The following A2ML1 variants were observed in gnomAD, a reference collection of about 807,000 sequenced individuals.
The protein encoded by A2ML1 is alpha-2-macroglobulin like 1, also known as alpha-2-macroglobulin-like protein 1.
A neutral mutation model predicts 181.9 loss-of-function variants in A2ML1; 161 were observed. That is an observed-to-expected ratio of 0.89 (90% CI 0.78 to 1.01). A2ML1 has a LOEUF of 1.01. A2ML1 is among the 50% of genes least tolerant of loss of function. A2ML1 has a pLI of 0.00. For missense variants in A2ML1, 1,670 were observed against 1,768.1 expected (o/e 0.94, Z 1.00); for synonymous variants, 663 against 666.8 (o/e 0.99, Z 0.09).
In A2ML1 at chr12:8,835,502, G is replaced by A; in HGVS notation, c.484-5G>A. ...GGCACATCATGCAGTTTCTCTATTG[G>A]ACAGGATCCAAATAGCAACAGGATT... On this transcript the variant is annotated splice_region_variant and splice_polypyrimidine_tract_variant and intron_variant, in intron 5 of 35. Coordinates refer to ENST00000299698, the MANE Select transcript of A2ML1 (RefSeq NM_144670.6). 1 of 1,613,976 alleles carries A rather than the reference G, an allele frequency of 6.2e-7. No individual in the cohort carries two copies. Among genetic ancestry groups the A allele is most frequent in the South Asian group, 1.1e-5 (1 of 91,072 alleles).
At chr12:8,837,927 C>T (rs1486268301) in intron 8 of A2ML1, among the ~76,000 whole-genome samples, 1 of 147,752 alleles carries the variant, frequency 6.8e-6, no homozygotes, top group Non-Finnish European at 1.5e-5. Flanking sequence ...TCCACATGTC[C>T]TAAAGCGTAA....
chr12:8,874,954 C>G lies in A2ML1; in HGVS notation c.4325-17C>G. On this transcript the variant is annotated splice_polypyrimidine_tract_variant and intron_variant, in intron 34 of 35. Transcript: ENST00000299698. ...GGAGGCCCTCAAAGTAATAATATGA[C>G]TTATTTCATTTCACAGATGAACAGG... is the stretch of plus-strand genomic sequence containing the variant. 6.2e-7 allele frequency: 1 copy of G among 1,613,752 alleles called. No individual in the cohort carries two copies. Among genetic ancestry groups the G allele is most frequent in the Non-Finnish European group, 8.5e-7 (1 of 1,179,766 alleles).
intron 7 of A2ML1, among the ~76,000 whole-genome samples, chr12:8,885,447 A>T (rs76565007): frequency 0.01 from 1,568 of 152,072 alleles, 30 homozygotes; most frequent in African/African-American, 0.036. Context: ...AAAGCTTTTT[A>T]TTTTATTTTA....
chr12:8,868,446 G>A (rs4883192), intron 31 of A2ML1, 89 bp downstream of exon 31: 3 of 1,514,958 alleles, frequency 2.0e-6, no homozygotes, highest in Non-Finnish European at 8.9e-7. Context: ...GTCTGTGTAT[G>A]TGTGTGTGTA....
At chr12:8,823,452 C>A in intron 2 of A2ML1, 87 bp downstream of exon 2, 1 of 1,429,556 alleles carries the variant, frequency 7.0e-7, no homozygotes, top group Non-Finnish European at 9.4e-7. Flanking sequence ...AGTATAATTT[C>A]TGTTATCTTT....
At chr12:8,845,389 A>G (rs1943632836) in intron 12 of A2ML1, 53 bp from the exon 13 acceptor site, 1 of 1,594,424 alleles carries the variant, frequency 6.3e-7, no homozygotes, top group Non-Finnish European at 8.6e-7. Context: ...AGTTGGTCCA[A>G]GGTGAAATTA....
intron 4 of A2ML1, among the ~76,000 whole-genome samples, chr12:8,833,519 C>T (rs1943183493): frequency 1.3e-5 from 2 of 152,108 alleles, no homozygotes; most frequent in African/African-American, 4.8e-5. Context: ...GCCTCAGCCT[C>T]CGGAGTAGCT....
At chr12:8,826,384 A>T (rs1942929592) in intron 3 of A2ML1, among the ~76,000 whole-genome samples, 1 of 152,094 alleles carries the variant, frequency 6.6e-6, no homozygotes, top group Non-Finnish European at 1.5e-5. Context: ...GCTATTGTAA[A>T]TGGAATTATC....
intron 17 of A2ML1, 50 bp from the exon 18 acceptor site, chr12:8,850,107 CACA>C: frequency 2.2e-6 from 3 of 1,389,174 alleles, no homozygotes; most frequent in Non-Finnish European, 3.0e-6. Context: ...CAATTTATGT[CACA>C]ACAAGAAGTC....
intron 16 of A2ML1, 141 bp downstream of exon 16, chr12:8,849,055 G>A (rs925565840): frequency 9.9e-6 from 9 of 904,640 alleles, no homozygotes; most frequent in South Asian, 1.9e-5. Flanking sequence ...TGACGTGTAA[G>A]GTCGCCTCTG....
At chr12:8,879,953 A>G (rs185515087), downstream of A2ML1, among the ~76,000 whole-genome samples, 1 of 152,364 alleles carries the variant, frequency 6.6e-6, no homozygotes, top group East Asian at 1.9e-4. Flanking sequence ...ATACAAAGAT[A>G]AATAAAATGA....
chr12:8,830,863 A>G (rs544272546), intron 4 of A2ML1: 2 of 151,528 alleles, frequency 1.3e-5, no homozygotes, highest in East Asian at 1.9e-4. Context: ...TCTCTTTCCC[A>G]ATATAGATTT....
chr12:8,846,279 T>G (rs1362825657), intron 14 of A2ML1, 57 bp downstream of exon 14: 1 of 1,602,024 alleles, frequency 6.2e-7, no homozygotes, highest in African/African-American at 1.3e-5. Flanking sequence ...AAAGATCTTG[T>G]GTGTGCTGCG....
intron 25 of A2ML1, 82 bp downstream of exon 25, chr12:8,857,670 C>A: frequency 7.0e-7 from 1 of 1,437,388 alleles, no homozygotes; most frequent in Non-Finnish European, 9.6e-7. Context: ...CTACCTCTCC[C>A]CTTAACCCCT....
At chr12:8,884,560 G>A (rs1029190503) in intron 7 of A2ML1, among the ~76,000 whole-genome samples, 8 of 151,458 alleles carry the variant, frequency 5.3e-5, no homozygotes, top group South Asian at 2.1e-4. Context: ...TTTTTAAGAC[G>A]AAGTCTCACT....
At position 8,863,788 on chromosome 12, in the gene A2ML1, C is replaced by T. The variant is rs1347928548; in HGVS notation, c.3503-6C>T. On this transcript the variant is annotated splice_polypyrimidine_tract_variant and splice_region_variant and intron_variant, in intron 28 of 35. Coordinates refer to ENST00000299698, the MANE Select transcript of A2ML1 (RefSeq NM_144670.6). ...GGACATCCTAGTTATGTTTCTTTTT[C>T]CATAGGAGAATCCATTTACTGGAGC... 6.2e-7 allele frequency: 1 copy of T among 1,613,762 alleles called. No individual in the cohort carries two copies. Among genetic ancestry groups the T allele is most frequent in the Non-Finnish European group, 8.5e-7 (1 of 1,179,902 alleles).
chr12:8,824,789 A>T (rs1336647063), intron 3 of A2ML1, among the ~76,000 whole-genome samples: 2 of 151,768 alleles, frequency 1.3e-5, no homozygotes, highest in Non-Finnish European at 2.9e-5. Flanking sequence ...TATCTCCACG[A>T]CTTCAATTGT....
intron 33 of A2ML1, among the ~76,000 whole-genome samples, chr12:8,873,903 G>A (rs147306122): frequency 3.8e-3 from 579 of 152,216 alleles, no homozygotes; most frequent in African/African-American, 0.013. Flanking sequence ...CCAGAGAGCT[G>A]TAAGATCCTA....
At chr12:8,886,810 G>C (rs747662315) in exon 8 of A2ML1, 1 of 152,192 alleles carries the variant, frequency 6.6e-6, no homozygotes, top group East Asian at 1.9e-4. Flanking sequence ...TAAAGGCCCT[G>C]TCTCCAAATA....
Sources: allele counts gnomAD v4.1 joint callset (sites outside exome capture counted in the v4.1 genomes callset), GRCh38; gene constraint gnomAD v4.1.1; transcripts MANE v1.5; gene names NCBI Gene and HGNC (gene_info 2026-07-23, HGNC 2026-07-21).